GALNTL6: variants seen among roughly 807,000 people sequenced by gnomAD.
The protein encoded by GALNTL6 is polypeptide N-acetylgalactosaminyltransferase-like 6.
Under a neutral mutation model 73.7 loss-of-function variants are expected in GALNTL6, and 46 were observed. The observed-to-expected ratio is 0.62, with a 90% CI of 0.49 to 0.80. The LOEUF (loss-of-function observed/expected upper bound fraction) is 0.80. Ranked by LOEUF, GALNTL6 falls within the 30% of genes least tolerant of loss-of-function variation. GALNTL6 has a pLI of 0.00. For synonymous variants in GALNTL6, 259 were observed against 263.7 expected (o/e 0.98, Z 0.17); for missense variants, 604 against 755.0 (o/e 0.80, Z 2.34).
At chr4:172,324,447 T>G (rs1740875908) in intron 4 of GALNTL6, among the ~76,000 whole-genome samples, 1 of 151,666 alleles carries the variant, frequency 6.6e-6, no homozygotes, top group African/African-American at 2.4e-5. Context: ...AATTTTCCTT[T>G]TTGAAAGGGC....
At chr4:172,011,755 A>G (rs539855251) in intron 2 of GALNTL6, among the ~76,000 whole-genome samples, 1 of 152,084 alleles carries the variant, frequency 6.6e-6, no homozygotes, top group African/African-American at 2.4e-5. Context: ...AGAATAAAAT[A>G]TAATATGAAA....
At chr4:171,952,314 A>G (rs1006669203) in intron 2 of GALNTL6, among the ~76,000 whole-genome samples, 4 of 152,060 alleles carry the variant, frequency 2.6e-5, no homozygotes. Flanking sequence ...TGAATCCAAA[A>G]TTTTCCTAAA....
intron 5 of GALNTL6, among the ~76,000 whole-genome samples, chr4:172,358,742 G>A (rs555398908): frequency 4.2e-4 from 64 of 151,602 alleles, no homozygotes; most frequent in African/African-American, 1.4e-3. Context: ...CCAAGACTGC[G>A]GTCAGAAGAA....
intron 5 of GALNTL6, among the ~76,000 whole-genome samples, chr4:172,687,238 T>C (rs192731227): frequency 2.6e-5 from 4 of 152,280 alleles, no homozygotes; most frequent in African/African-American, 9.6e-5. Context: ...TACTCAGCAC[T>C]TGAAAATTTA....
At chr4:172,821,657 A>G (rs1239960906) in intron 7 of GALNTL6, among the ~76,000 whole-genome samples, 1 of 152,216 alleles carries the variant, frequency 6.6e-6, no homozygotes, top group South Asian at 2.1e-4. Flanking sequence ...AACAACTGCA[A>G]AAGGACAAAA....
chr4:172,027,332 T>C (rs188763552), intron 2 of GALNTL6, among the ~76,000 whole-genome samples: 4 of 152,320 alleles, frequency 2.6e-5, no homozygotes, highest in African/African-American at 9.6e-5. Flanking sequence ...GAGTCACATT[T>C]TGATAATCCT....
chr4:172,783,168 C>T (rs1038886889), intron 5 of GALNTL6, among the ~76,000 whole-genome samples: 2 of 150,746 alleles, frequency 1.3e-5, no homozygotes, highest in African/African-American at 4.9e-5. Context: ...TTGGTAAAAT[C>T]ACATATAACC....
intron 2 of GALNTL6, among the ~76,000 whole-genome samples, chr4:172,198,166 C>T (rs10033599): frequency 0.042 from 6,394 of 151,828 alleles, 426 homozygotes; most frequent in African/African-American, 0.14. Flanking sequence ...ATTTAGGCAA[C>T]GCCATTCAGG....
chr4:172,226,595 G>T (rs1304929651), intron 2 of GALNTL6, among the ~76,000 whole-genome samples: 229 of 37,526 alleles, frequency 6.1e-3, no homozygotes, highest in Admixed American at 7.7e-3. Context: ...GTGTCTGTGT[G>T]TGTGTGTTTC....
intron 5 of GALNTL6, among the ~76,000 whole-genome samples, chr4:172,421,775 A>C (rs1052512817): frequency 6.6e-6 from 1 of 152,086 alleles, no homozygotes; most frequent in Admixed American, 6.6e-5. Context: ...CCTGACATTT[A>C]ATCTCTCAGT....
At chr4:172,521,657 G>T (rs1341967172) in intron 5 of GALNTL6, among the ~76,000 whole-genome samples, 1 of 152,122 alleles carries the variant, frequency 6.6e-6, no homozygotes, top group Non-Finnish European at 1.5e-5. Context: ...GGGTAATAAA[G>T]AATTCATAAG....
At chr4:172,416,205 A>G (rs1730826448) in intron 5 of GALNTL6, among the ~76,000 whole-genome samples, 2 of 152,202 alleles carry the variant, frequency 1.3e-5, no homozygotes, top group South Asian at 4.1e-4. Context: ...GACGTAGGTG[A>G]AGAAATAACC....
intron 7 of GALNTL6, among the ~76,000 whole-genome samples, chr4:172,844,104 T>C (rs533996174): frequency 6.6e-6 from 1 of 152,160 alleles, no homozygotes; most frequent in East Asian, 1.9e-4. Context: ...ACAGCTTGAA[T>C]TGGGAGGAGA....
chr4:172,450,928 T>C (rs1025785985), intron 5 of GALNTL6, among the ~76,000 whole-genome samples: 17 of 152,228 alleles, frequency 1.1e-4, no homozygotes, highest in African/African-American at 4.1e-4. Context: ...TTAGTCTCTG[T>C]AATTCCTTTC....
At chr4:171,938,711 G>T (rs1738429300) in intron 2 of GALNTL6, among the ~76,000 whole-genome samples, 1 of 152,138 alleles carries the variant, frequency 6.6e-6, no homozygotes, top group African/African-American at 2.4e-5. Flanking sequence ...GAAGTGAAAT[G>T]AATAGCACAA....
intron 5 of GALNTL6, among the ~76,000 whole-genome samples, chr4:172,795,039 G>A (rs1264109210): frequency 6.6e-6 from 1 of 152,178 alleles, no homozygotes; most frequent in Non-Finnish European, 1.5e-5. Flanking sequence ...AGCTGAAGTG[G>A]AGACTGCAGG....
intron 2 of GALNTL6, among the ~76,000 whole-genome samples, chr4:171,927,032 T>C (rs181359713): frequency 2.6e-5 from 4 of 152,192 alleles, no homozygotes; most frequent in Admixed American, 2.6e-4. Flanking sequence ...ACGTAATTTT[T>C]TTTTTCTGTT....
chr4:172,189,716 A>G (rs1192124296), intron 2 of GALNTL6, among the ~76,000 whole-genome samples: 1 of 152,192 alleles, frequency 6.6e-6, no homozygotes, highest in African/African-American at 2.4e-5. Context: ...ACTTTCTTAT[A>G]TAAAACAAAA....
At chr4:172,776,310 T>A (rs1024396650) in intron 5 of GALNTL6, among the ~76,000 whole-genome samples, 2 of 152,166 alleles carry the variant, frequency 1.3e-5, no homozygotes, top group Non-Finnish European at 2.9e-5. Context: ...AAAGAGGCAA[T>A]CTGTACTGTG....
Sources: allele counts gnomAD v4.1 joint callset (sites outside exome capture counted in the v4.1 genomes callset), GRCh38; gene constraint gnomAD v4.1.1; transcripts MANE v1.5; gene names NCBI Gene and HGNC (gene_info 2026-07-23, HGNC 2026-07-21).